Variants in TM6SF1 observed in about 807,000 individuals in gnomAD.
TM6SF1 encodes the protein transmembrane 6 superfamily member 1.
Under a neutral mutation model 47.1 loss-of-function variants are expected in TM6SF1, and 43 were observed. The observed-to-expected ratio is 0.91, with a 90% CI of 0.72 to 1.18. The LOEUF is 1.18. TM6SF1 is among the 50% of genes most tolerant of loss of function. The pLI is 0.00. For synonymous variants in TM6SF1, 177 were observed against 166.3 expected, an observed-to-expected ratio of 1.06 and a Z score of -0.49; for missense variants, 390 against 449.0, an observed-to-expected ratio of 0.87 and a Z score of 1.19.
At chr15:83,111,271 A>G (rs1484029263) in intron 1 of TM6SF1, among the ~76,000 whole-genome samples, 2 of 151,634 alleles carry the variant, frequency 1.3e-5, no homozygotes, top group African/African-American at 4.8e-5. Context: ...CTATCCATCC[A>G]TTTATCCATC....
At chr15:83,115,745 G>C in intron 2 of TM6SF1, 100 bp from the exon 3 acceptor site, 1 of 836,654 alleles carries the variant, frequency 1.2e-6, no homozygotes, top group Non-Finnish European at 2.0e-6. Flanking sequence ...GCATCTTCTG[G>C]AAAACATGAA....
intron 3 of TM6SF1, among the ~76,000 whole-genome samples, chr15:83,118,230 TACACACAC>T (rs72160704): frequency 1.4e-5 from 2 of 146,234 alleles, no homozygotes; most frequent in Admixed American, 6.9e-5. Context: ...TCTCTGTACG[TACACACAC>T]ACACACACAC....
At chr15:83,125,820 G>A (rs2151373894) in intron 7 of TM6SF1, among the ~76,000 whole-genome samples, 1 of 152,334 alleles carries the variant, frequency 6.6e-6, no homozygotes, top group East Asian at 1.9e-4. Flanking sequence ...GGTTCAGGGT[G>A]AGAAGCTGTT....
chr15:83,132,357 G>T (rs1034460045), intron 9 of TM6SF1: 2 of 152,158 alleles, frequency 1.3e-5, no homozygotes, highest in Non-Finnish European at 2.9e-5. Flanking sequence ...TGAAAGCTTT[G>T]GGACAGACTC....
chr15:83,136,731 T>C lies in TM6SF1; in HGVS notation c.*59T>C, dbSNP rs1030319672. 4 of 1,424,670 alleles carry C rather than the reference T, an allele frequency of 2.8e-6. No homozygotes were observed. The highest frequency in any genetic ancestry group is 3.8e-6 in the Non-Finnish European group (4 of 1,043,700). 88.3% of individuals were successfully genotyped at this position (1,424,670 alleles called of 1,614,324 possible). On this transcript the variant is annotated 3_prime_UTR_variant, in exon 10 of 10. Transcript: ENST00000322019. Reference sequence around the variant, plus strand: ...CTAACTTTTGTTATACTGGTACTGATATTTTGTCCCATTTCACTCTCTTCT... The same window carrying C: ...CTAACTTTTGTTATACTGGTACTGACATTTTGTCCCATTTCACTCTCTTCT...
chr15:83,108,838 C>T (rs893337035), intron 1 of TM6SF1, among the ~76,000 whole-genome samples: 7 of 152,204 alleles, frequency 4.6e-5, no homozygotes, highest in Non-Finnish European at 8.8e-5. Context: ...CAGGCAGCAC[C>T]CACACTGAGT....
At chr15:83,133,330 T>C (rs192184901) in intron 9 of TM6SF1, 9 of 152,366 alleles carry the variant, frequency 5.9e-5, no homozygotes. Flanking sequence ...CATGGACATA[T>C]AACACTCTTT....
Position 83,136,540 on chromosome 15 carries a change from C to A in TM6SF1, c.981C>A (p.Val327=). 2 of 1,613,664 alleles carry A rather than the reference C, an allele frequency of 1.2e-6. No homozygotes were observed. Among genetic ancestry groups the A allele is most frequent in the Non-Finnish European group, 8.5e-7 (1 of 1,179,852 alleles). ...LHARTAYVYR[V]PEEAKILFLA... ...CTAGAACTGCTTATGTCTACAGAGTCCCTGAAGAAGCAAAAATCCTTTTTT... is the reference window on the plus strand; with the variant it reads ...CTAGAACTGCTTATGTCTACAGAGTACCTGAAGAAGCAAAAATCCTTTTTT... The change falls in exon 10 of 10, where the codon GTC becomes GTA. Residue 327 remains valine (V), a synonymous_variant. Transcript: ENST00000322019.
chr15:83,127,196 AAAAT>A (rs1011135596), intron 8 of TM6SF1, among the ~76,000 whole-genome samples, 158 bp from the exon 9 acceptor site: 4 of 151,640 alleles, frequency 2.6e-5, no homozygotes, highest in Middle Eastern at 3.2e-3. Context: ...TCCACCTAAA[AAAAT>A]AAATAAATAA....
chr15:83,127,022 C>A (rs1009012273), intron 8 of TM6SF1, among the ~76,000 whole-genome samples, 175 bp downstream of exon 8: 1 of 152,106 alleles, frequency 6.6e-6, no homozygotes, highest in African/African-American at 2.4e-5. Context: ...GAAACCCCAT[C>A]TCTACTGAAA....
At chr15:83,135,720 A>C (rs1454034076) in intron 9 of TM6SF1, 1 of 152,212 alleles carries the variant, frequency 6.6e-6, no homozygotes, top group Admixed American at 6.5e-5. Context: ...CCATTTTGCA[A>C]ATGCGGATAA....
chr15:83,128,296 G>A (rs929375036), intron 9 of TM6SF1: 1 of 152,120 alleles, frequency 6.6e-6, no homozygotes, highest in African/African-American at 2.4e-5. Flanking sequence ...GAAAAATATA[G>A]TATTTAAGGG....
chr15:83,132,113 A>C (rs527808927), intron 9 of TM6SF1: 1 of 152,348 alleles, frequency 6.6e-6, no homozygotes, highest in East Asian at 1.9e-4. Context: ...GGATAATAAC[A>C]GTAGCTTTCT....
chr15:83,112,098 T>C (rs1200897413), intron 1 of TM6SF1, among the ~76,000 whole-genome samples: 1 of 152,122 alleles, frequency 6.6e-6, no homozygotes, highest in Non-Finnish European at 1.5e-5. Context: ...CTGCTGTCCT[T>C]GGTGCCACTC....
Position 83,133,518 on chromosome 15 carries a change from A to C in TM6SF1, c.922-2963A>C, listed in dbSNP as rs1299240291. The C allele has an allele frequency of 3.3e-5, 5 of 152,366 alleles. No individual in the cohort carries two copies. In the South Asian group the frequency reaches 8.3e-4, roughly 25 times the overall value. 9.4% of individuals were successfully genotyped at this position (152,366 alleles called of 1,614,324 possible). A position where few individuals can be genotyped will look rare whatever the true frequency, so the allele number is the denominator to read the frequency against. ...AGTATATCTCTTAATTATTTCTGTAAGGTGAAAATGATTTAGAATGAAGTG... is the reference window on the plus strand; with the variant it reads ...AGTATATCTCTTAATTATTTCTGTACGGTGAAAATGATTTAGAATGAAGTG... On this transcript the variant is annotated intron_variant, in intron 9 of 9. Transcript: ENST00000322019.
intron 5 of TM6SF1, among the ~76,000 whole-genome samples, chr15:83,122,483 A>T (rs1387042973): frequency 6.6e-6 from 1 of 152,200 alleles, no homozygotes; most frequent in Non-Finnish European, 1.5e-5. Flanking sequence ...TTTTTGAGAC[A>T]GGATCTCACT....
chr15:83,136,444 T>G, intron 9 of TM6SF1, 37 bp from the exon 10 acceptor site: 1 of 1,540,350 alleles, frequency 6.5e-7, no homozygotes, highest in Non-Finnish European at 8.7e-7. Flanking sequence ...TGAACACGTT[T>G]CATGCTTACT....
chr15:83,112,399 G>A (rs2034268913), intron 1 of TM6SF1, among the ~76,000 whole-genome samples: 1 of 152,184 alleles, frequency 6.6e-6, no homozygotes, highest in African/African-American at 2.4e-5. Flanking sequence ...TGGCCCTGAG[G>A]GAGGTGGCAG....
chr15:83,108,222 C>G (rs2033841994), intron 1 of TM6SF1, among the ~76,000 whole-genome samples: 1 of 152,184 alleles, frequency 6.6e-6, no homozygotes, highest in African/African-American at 2.4e-5. Context: ...ATTTTAGAAA[C>G]TGTTGTGAAT....
Sources: gnomAD v4.1 joint callset for allele counts (sites outside exome capture counted in the v4.1 genomes callset) on GRCh38, gnomAD v4.1.1 for gene constraint, MANE v1.5 for transcripts, NCBI Gene and HGNC (gene_info 2026-07-23, HGNC 2026-07-21) for gene names.